PARP3: variants seen among roughly 807,000 people sequenced by gnomAD.
The protein encoded by PARP3 is protein mono-ADP-ribosyltransferase PARP3.
In PARP3, 46 loss-of-function variants were observed where a neutral mutation model predicts 58.2. The observed-to-expected ratio is 0.79, with a 90% CI of 0.62 to 1.01. The LOEUF (loss-of-function observed/expected upper bound fraction) is 1.01, where lower values mean the gene tolerates loss of function less well. Ranked by LOEUF, PARP3 falls within the 50% of genes least tolerant of loss-of-function variation. The pLI, the probability that PARP3 is intolerant of heterozygous loss-of-function variation, is 0.00. For missense variants in PARP3, 663 were observed against 683.9 expected (o/e 0.97, Z 0.34); for synonymous variants, 252 against 266.4 (o/e 0.95, Z 0.53).
chr3:51,942,757 G>A, intron 1 of PARP3, 49 bp downstream of exon 1: 1 of 1,549,762 alleles, frequency 6.5e-7, no homozygotes, highest in Non-Finnish European at 8.7e-7. Context: ...AAGGCCTGGT[G>A]GGACTGGCCT....
chr3:51,945,778 G>A lies in PARP3; in HGVS notation c.1012-75G>A, dbSNP rs1699662770. The A allele has an allele frequency of 9.1e-6, 14 of 1,533,490 alleles. No individual in the cohort carries two copies. In the South Asian group the frequency reaches 1.6e-4, roughly 17 times the overall value. The allele number at this position is 1,533,490 out of a possible 1,614,324, so 95.0% of individuals were successfully genotyped here. ...GTCTCCAGGGCCTGAGGAGGGCTTG[G>A]GACTGGGGGAAGAAAAATGGGGGAT... is the stretch of plus-strand genomic sequence containing the variant. On this transcript the variant is annotated intron_variant, in intron 7 of 10. Transcript: ENST00000398755.
chr3:51,947,768 T>C lies in PARP3; in HGVS notation c.1305T>C (p.His435=), dbSNP rs755107053. 9.9e-6 allele frequency: 16 copies of C among 1,614,016 alleles called. No individual in the cohort carries two copies. In the African/African-American group the frequency reaches 2.1e-4, roughly 22 times the overall value. Residue 435 remains histidine (H), a synonymous_variant, in exon 10 of 11, where the codon CAT becomes CAC. Transcript: ENST00000398755. The part of the protein sequence containing the change: ...YVIGMKCGAH[H]VGYMFLGEVA... Reference sequence around the variant, plus strand: ...TTGGCATGAAGTGTGGGGCCCACCATGTCGGCTACATGTTCCTGGGTGAGG... The same window carrying C: ...TTGGCATGAAGTGTGGGGCCCACCACGTCGGCTACATGTTCCTGGGTGAGG...
At chr3:51,948,005 C>T (rs1017629623) in intron 10 of PARP3, 110 bp downstream of exon 10, 14 of 1,094,560 alleles carry the variant, frequency 1.3e-5, no homozygotes, top group South Asian at 1.2e-4. Context: ...GCTTCCCTGT[C>T]GTCACTCAGT....
rs1246438640 is a variant in PARP3 at position 51,945,663 on chromosome 3, AG to A, written c.1011+23del. 14 of 1,612,446 alleles carry A rather than the reference AG, an allele frequency of 8.7e-6. No individual in the cohort carries two copies. Among genetic ancestry groups the A allele is most frequent in the Non-Finnish European group, 1.2e-5 (14 of 1,179,130 alleles). On this transcript the variant is annotated intron_variant, in intron 7 of 10. Transcript: ENST00000398755. ...GTACAAGGTGAGTTGGGCCCCACAG[AG>A]GGGCCAGGCTATCAGTGGGCACTGT...
In PARP3 at chr3:51,945,126, T is replaced by G. The variant is rs747264733; in HGVS notation, c.763T>G (p.Ser255Ala). ...DGGQSLEELS[S>A]HFYTVIPHNF... ...TGGCCAAAGCCTGGAGGAGCTGTCCTCACACTTTTACACCGTCATCCCGCA... is the reference window on the plus strand; with the variant it reads ...TGGCCAAAGCCTGGAGGAGCTGTCCGCACACTTTTACACCGTCATCCCGCA... Residue 255 changes from serine to alanine, a missense_variant, in exon 6 of 11, where the codon TCA becomes GCA. By Grantham distance (99) the Ser-to-Ala change is moderately conservative (BLOSUM62 1). This residue lies in a region of PARP3 where 567 missense variants were observed against 553.6 expected (regional missense o/e 1.02). Coordinates refer to ENST00000398755, the MANE Select transcript of PARP3 (RefSeq NM_001003931.4). The G allele has an allele frequency of 6.2e-7, 1 of 1,614,106 alleles. No homozygotes were observed. The highest frequency in any genetic ancestry group is 8.5e-7 in the Non-Finnish European group (1 of 1,180,032).
At chr3:51,942,798 C>T (rs1699576029) in intron 1 of PARP3, 90 bp downstream of exon 1, 5 of 1,509,618 alleles carry the variant, frequency 3.3e-6, no homozygotes, top group Non-Finnish European at 4.4e-6. Context: ...GCCACTGATC[C>T]GGAGTTCTGG....
At chr3:51,943,015 C>CTT in intron 1 of PARP3, 1 of 1,398,584 alleles carries the variant, frequency 7.2e-7, no homozygotes, top group Non-Finnish European at 9.3e-7. Context: ...AGAGAGCCTC[C>CTT]TTTCACTTTC....
rs1306846205 is a variant in PARP3, at chr3:51,947,722, C to T, written c.1277-18C>T. 1.2e-6 allele frequency: 2 copies of T among 1,613,352 alleles called. No homozygotes were observed. Among genetic ancestry groups the T allele is most frequent in the African/African-American group, 1.3e-5 (1 of 74,910 alleles). On this transcript the variant is annotated intron_variant, in intron 9 of 10. Coordinates refer to ENST00000398755, the MANE Select transcript of PARP3 (RefSeq NM_001003931.4). ...AGGCAGGCTGAGCTGCCCACCGGTG[C>T]CTCCCTGTGTCTTGCAGTTATTGGC...
Position 51,948,310 on chromosome 3 carries a change from G to A in PARP3, c.1433-1G>A, listed in dbSNP as rs1319176868. 1.2e-6 allele frequency: 2 copies of A among 1,613,150 alleles called. No individual in the cohort carries two copies. Among genetic ancestry groups the A allele is most frequent in the East Asian group, 2.2e-5 (1 of 44,876 alleles). ...ACCCTGGCCCTTGCTGTGCCCTGCA[G>A]ATCCGACCCAGGACACTGAGTTGGA... On this transcript the variant is annotated splice_acceptor_variant, in intron 10 of 10. Transcript: ENST00000398755. LOFTEE classifies it high-confidence loss of function.
chr3:51,947,875 C>T lies in PARP3; in HGVS notation c.1412C>T (p.Ala471Val), dbSNP rs377219878. The T allele has an allele frequency of 1.2e-5, 20 of 1,613,880 alleles. No individual in the cohort carries two copies. The African/African-American group carries it at 2.3e-4, about 18-fold the overall frequency. ...CCTCCTGGCTTCGACAGTGTCATTG[C>T]CCGAGGCCACACCGAGCCTGGTGAG... ...SPPPGFDSVI[A>V]RGHTEPDPTQ... The change falls in exon 10 of 11, where the codon GCC (alanine) becomes GTC (valine). Residue 471 changes from alanine to valine, a missense_variant. Coordinates refer to ENST00000398755, the MANE Select transcript of PARP3 (RefSeq NM_001003931.4).
rs770597691 is a variant in PARP3 at position 51,945,255 on chromosome 3, T to G, written c.861+31T>G. ...GGCTGGCAGGGGTGCGGGCAGGCAG[T>G]GGGGCACTGAACAGACAGCCTAGGC... On this transcript the variant is annotated intron_variant, in intron 6 of 10. Coordinates refer to ENST00000398755, the MANE Select transcript of PARP3 (RefSeq NM_001003931.4). 8.8e-6 allele frequency: 14 copies of G among 1,598,226 alleles called. No individual in the cohort carries two copies. In the African/African-American group the frequency reaches 1.6e-4, roughly 18 times the overall value.
chr3:51,948,169 C>T (rs193153378), intron 10 of PARP3, 142 bp from the exon 11 acceptor site: 2 of 876,694 alleles, frequency 2.3e-6, no homozygotes, highest in African/African-American at 1.7e-5. Context: ...GCCCCAGCCC[C>T]TGCAGTGGTT....
In PARP3 at chr3:51,948,330, G is replaced by A. The variant is rs1237104787; in HGVS notation, c.1452G>A (p.Glu484=). The A allele has an allele frequency of 6.2e-7, 1 of 1,613,890 alleles. No individual in the cohort carries two copies. The change falls in exon 11 of 11, where the codon GAG becomes GAA. Residue 484 remains glutamate (E), a synonymous_variant. Transcript: ENST00000398755. The part of the protein sequence containing the change: ...HTEPDPTQDT[E]LELDGQQVVV... ...CTGCAGATCCGACCCAGGACACTGA[G>A]TTGGAGCTGGATGGCCAGCAAGTGG...
chr3:51,943,965 A>C, intron 2 of PARP3, 124 bp from the exon 3 acceptor site: 1 of 861,182 alleles, frequency 1.2e-6, no homozygotes, highest in Non-Finnish European at 1.8e-6. Context: ...CCAAGCTTCC[A>C]AGACAGGGTC....
In PARP3 at chr3:51,942,534, G is replaced by T; in HGVS notation, c.-177G>T. The stretch of plus-strand genomic sequence containing the variant: ...TCACCCCACTGGTGGCCAAATAGCC[G>T]ATGTCTAATCCCCCACACAAGCTCA... On this transcript the variant is annotated 5_prime_UTR_variant, in exon 1 of 11. Transcript: ENST00000398755. 1 of 709,116 alleles carries T rather than the reference G, an allele frequency of 1.4e-6. No individual in the cohort carries two copies. The highest frequency in any genetic ancestry group is 2.6e-6 in the Non-Finnish European group (1 of 382,066). 43.9% of individuals were successfully genotyped at this position (709,116 alleles called of 1,614,324 possible). A position where few individuals can be genotyped will look rare whatever the true frequency, so the allele number is the denominator to read the frequency against.
chr3:51,942,885 C>T (rs1699577960), intron 1 of PARP3, 177 bp downstream of exon 1: 1 of 1,426,148 alleles, frequency 7.0e-7, no homozygotes, highest in Non-Finnish European at 9.2e-7. Context: ...TAATCTGGCC[C>T]CAAGAATCCT....
chr3:51,946,081 ACT>A lies in PARP3; in HGVS notation c.1099-84_1099-83del. The A allele has an allele frequency of 7.2e-7, 1 of 1,379,876 alleles. No individual in the cohort carries two copies. The highest frequency in any genetic ancestry group is 1.0e-6 in the Non-Finnish European group (1 of 984,168). 85.5% of individuals were successfully genotyped at this position (1,379,876 alleles called of 1,614,324 possible). On this transcript the variant is annotated intron_variant, in intron 8 of 10. Transcript: ENST00000398755. This position sits in a 1 kb window ranked among gnomAD's most constrained non-coding sequence, Gnocchi z 4.6. ...AGTGCGCGTGAGTAAGCAGAGGGAC[ACT>A]AGGCCTTGGTCACAAGCAGCAGGGC...
At position 51,944,342 on chromosome 3, in the gene PARP3, C is replaced by T; in HGVS notation, c.313-48C>T. 1 of 1,609,598 alleles carries T rather than the reference C, an allele frequency of 6.2e-7. No individual in the cohort carries two copies. The highest frequency in any genetic ancestry group is 8.5e-7 in the Non-Finnish European group (1 of 1,177,282). On this transcript the variant is annotated intron_variant, in intron 3 of 10. Transcript: ENST00000398755. This position sits in a 1 kb window ranked among gnomAD's most constrained non-coding sequence, Gnocchi z 4.2. ...CACAGGGCCTGGCCCGACACACAGG[C>T]CAGCAAATGCTGATGGTGGGCATAC...
rs1699591639 is a variant in PARP3 at position 51,943,447 on chromosome 3, C to T, written c.92C>T (p.Ser31Phe). ...QAGREEDPFR[S>F]TAEALKAIPA... ...GGAAGGGAGGAGGACCCCTTCCGCT[C>T]CACCGCTGAGGCCCTCAAGGCCATA... The change falls in exon 2 of 11, where the codon TCC becomes TTC. Residue 31 changes from serine to phenylalanine, a missense_variant. Ser to Phe is a radical substitution (Grantham distance 155). Around this residue, in one of 3 missense-constraint regions of PARP3, gnomAD observed 567 missense variants for 553.6 expected, o/e 1.02. Transcript: ENST00000398755. 6.2e-7 allele frequency: 1 copy of T among 1,608,450 alleles called. No homozygotes were observed. Among genetic ancestry groups the T allele is most frequent in the East Asian group, 2.2e-5 (1 of 44,698 alleles).
Sources: gnomAD v4.1 joint callset for allele counts on GRCh38, gnomAD v4.1.1 for gene constraint, gnomAD v4.1.1 regional missense constraint, Gnocchi (gnomAD v3.1) non-coding constraint, MANE v1.5 for transcripts, NCBI Gene and HGNC (gene_info 2026-07-23, HGNC 2026-07-21) for gene names.